Variants in MYO15B observed in about 807,000 individuals in gnomAD.
MYO15B encodes the protein myosin XVB, also known as myosin XVB pseudogene.
MYO15B carries 207 observed loss-of-function variants against 119.3 expected under a neutral mutation model. The ratio of observed to expected loss-of-function variants is 1.73; its 90% confidence interval spans 1.55 to 1.95. MYO15B has a LOEUF of 1.95. Ranked by LOEUF, MYO15B falls within the 30% of genes most tolerant of loss-of-function variation. MYO15B has a pLI of 0.00. For synonymous variants in MYO15B, 966 were observed against 498.9 expected (o/e 1.94, Z -12.48); for missense variants, 2,264 against 1,203.1 (o/e 1.88, Z -13.04).
intron 43 of MYO15B, chr17:75,618,937 G>A (rs1178081706): frequency 1.7e-6 from 1 of 592,814 alleles, no homozygotes; most frequent in Non-Finnish European, 3.0e-6. Context: ...TTGCAGGGGA[G>A]GGGACAGGTG....
Position 75,594,599 on chromosome 17 carries a change from G to C in MYO15B, c.3105+11G>C, listed in dbSNP as rs1486697753. 4.4e-6 allele frequency: 3 copies of C among 678,490 alleles called. No homozygotes were observed. The highest frequency in any genetic ancestry group is 8.1e-6 in the Non-Finnish European group (3 of 371,956). The allele number at this position is 678,490 out of a possible 1,614,324, so 42.0% of individuals were successfully genotyped here. A position where few individuals can be genotyped will look rare whatever the true frequency, so the allele number is the denominator to read the frequency against. ...ACCAGGAGGGTCACGGTGAGCCCGAGGGTCCTGGGGAGAGGGGCCTGGCCT... is the reference window on the plus strand; with the variant it reads ...ACCAGGAGGGTCACGGTGAGCCCGACGGTCCTGGGGAGAGGGGCCTGGCCT... On this transcript the variant is annotated intron_variant, in intron 10 of 63. Transcript: ENST00000645453.
At chr17:75,604,588 G>A (rs2057503392) in intron 19 of MYO15B, among the ~76,000 whole-genome samples, 1 of 142,016 alleles carries the variant, frequency 7.0e-6, no homozygotes, top group Admixed American at 7.4e-5. Flanking sequence ...GACCTACTGT[G>A]TTGGGTGGCG....
At chr17:75,616,493 C>A (rs941978351) in intron 38 of MYO15B, 31 bp from the exon 39 acceptor site, 7 of 689,916 alleles carry the variant, frequency 1.0e-5, no homozygotes, top group Admixed American at 2.0e-5. Context: ...GCTCTGCACG[C>A]GGTTAACAGT....
At chr17:75,622,150 T>C (rs568337573) in intron 53 of MYO15B, 70 bp downstream of exon 53, 20 of 692,392 alleles carry the variant, frequency 2.9e-5, no homozygotes, top group South Asian at 2.8e-4. Context: ...GAGATCCCCT[T>C]CTCTTGGTCA....
chr17:75,588,986 A>G (rs115614651), exon 1 of MYO15B: 35,454 of 397,962 alleles, frequency 0.089, 1,743 homozygotes, highest in Middle Eastern at 0.15. Context: ...GCGGTGGGGC[A>G]GGTGCCAGCG....
rs111264376 is a variant in MYO15B at position 75,605,030 on chromosome 17, G to A, written c.4017-474G>A. 1.0e-3 allele frequency among the ~76,000 whole-genome samples: 156 copies of A among 152,158 alleles called. 2 individuals are homozygous for A. Among genetic ancestry groups the A allele is most frequent in the African/African-American group, 3.5e-3 (145 of 41,514 alleles). ...TGCATGCCAGTAATCCCAGCTACTCGGGAGGCTGAGGCAAGAGGATCACTT... is the reference window on the plus strand; with the variant it reads ...TGCATGCCAGTAATCCCAGCTACTCAGGAGGCTGAGGCAAGAGGATCACTT... On this transcript the variant is annotated intron_variant, in intron 19 of 63. Transcript: ENST00000645453.
chr17:75,596,458 A>G lies in MYO15B; in HGVS notation c.3298-2A>G. On this transcript the variant is annotated splice_acceptor_variant, in intron 12 of 63. Transcript: ENST00000645453. LOFTEE classifies it high-confidence loss of function. Reference sequence around the variant, plus strand: ...GCCCACCTCACTGCCACATGCCCCCAGGCCCTGCGGGTGAATGGCCTGGAG... The same window carrying G: ...GCCCACCTCACTGCCACATGCCCCCGGGCCCTGCGGGTGAATGGCCTGGAG... 1 of 702,982 alleles carries G rather than the reference A, an allele frequency of 1.4e-6. No homozygotes were observed. 43.5% of individuals were successfully genotyped at this position (702,982 alleles called of 1,614,324 possible).
At chr17:75,602,269 T>C in intron 15 of MYO15B, 1 of 598,356 alleles carries the variant, frequency 1.7e-6, no homozygotes, top group Non-Finnish European at 3.0e-6. Flanking sequence ...GTCAACCTAT[T>C]GACTAGCATA....
intron 21 of MYO15B, among the ~76,000 whole-genome samples, chr17:75,609,161 G>A (rs2147940546): frequency 1.3e-5 from 2 of 151,980 alleles, no homozygotes; most frequent in Middle Eastern, 7.0e-3. Flanking sequence ...ACGGGTATGA[G>A]CCATTGCACC....
chr17:75,611,468 CAAAAAAAA>C, intron 23 of MYO15B, 125 bp from the exon 24 acceptor site: 2 of 471,128 alleles, frequency 4.2e-6, no homozygotes, highest in Non-Finnish European at 7.4e-6. Context: ...GACCCTGCCT[CAAAAAAAA>C]AAAAAAAAAA....
In MYO15B at chr17:75,592,092, G is replaced by T; in HGVS notation, c.2651+12G>T. 1 of 702,722 alleles carries T rather than the reference G, an allele frequency of 1.4e-6. No individual in the cohort carries two copies. Among genetic ancestry groups the T allele is most frequent in the South Asian group, 1.5e-5 (1 of 67,600 alleles). 43.5% of individuals were successfully genotyped at this position (702,722 alleles called of 1,614,324 possible). ...CTCTACCTACAGCAGTGAGTGGCAG[G>T]GTTGCAGGGGGCACCTACAATCACT... On this transcript the variant is annotated intron_variant, in intron 6 of 63. Transcript: ENST00000645453.
In MYO15B at chr17:75,617,324, C is replaced by T. The variant is rs2058434610; in HGVS notation, c.6814+20C>T. ...GTCGTTGTAAGGAACCACATTTCTC[C>T]TGCGCCGTGGGCTTCACTGGGGCAG... is the stretch of plus-strand genomic sequence containing the variant. On this transcript the variant is annotated intron_variant, in intron 41 of 63. Coordinates refer to ENST00000645453, the Ensembl canonical transcript of MYO15B. The T allele has an allele frequency of 6.5e-6, 4 of 613,220 alleles. No homozygotes were observed. The highest frequency in any genetic ancestry group is 1.2e-5 in the Non-Finnish European group (4 of 340,688). 38.0% of individuals were successfully genotyped at this position (613,220 alleles called of 1,614,324 possible).
intron 9 of MYO15B, among the ~76,000 whole-genome samples, chr17:75,593,630 AC>A (rs1230142312): frequency 6.6e-6 from 1 of 151,214 alleles, no homozygotes; most frequent in Non-Finnish European, 1.5e-5. Flanking sequence ...AAAAAAAAAA[AC>A]AAAACAGACT....
chr17:75,606,923 G>C (rs767148029), intron 21 of MYO15B: 1 of 397,976 alleles, frequency 2.5e-6, no homozygotes, highest in East Asian at 3.6e-5. Flanking sequence ...TCTCTTTTTC[G>C]CCCTCACAGC....
At chr17:75,625,067 CAACT>C in intron 59 of MYO15B, 52 bp from the exon 60 acceptor site, 2 of 661,938 alleles carry the variant, frequency 3.0e-6, no homozygotes, top group Non-Finnish European at 5.5e-6. Flanking sequence ...CTAGAGCCAC[CAACT>C]GATGGGGGGC....
At chr17:75,598,527 C>CAAAAAA (rs34267285) in intron 14 of MYO15B, among the ~76,000 whole-genome samples, 17 of 20,134 alleles carry the variant, frequency 8.4e-4, no homozygotes, top group African/African-American at 1.4e-3. Flanking sequence ...GACTCCATCT[C>CAAAAAA]AAAAAAAAAA....
intron 53 of MYO15B, among the ~76,000 whole-genome samples, chr17:75,623,501 G>C (rs568563386): frequency 6.6e-6 from 1 of 152,274 alleles, no homozygotes; most frequent in East Asian, 1.9e-4. Context: ...GTGGTGGCAC[G>C]CGCCTATTAA....
At position 75,625,593 on chromosome 17, in the gene MYO15B, C is replaced by CCT; in HGVS notation, c.8872_8873dup (p.Met2959Ter). The CCT allele has an allele frequency of 1.4e-6, 1 of 703,066 alleles. No homozygotes were observed. The highest frequency in any genetic ancestry group is 2.6e-6 in the Non-Finnish European group (1 of 385,020). 43.6% of individuals were successfully genotyped at this position (703,066 alleles called of 1,614,324 possible). A position where few individuals can be genotyped will look rare whatever the true frequency, so the allele number is the denominator to read the frequency against. ...AGGTGAACACGGCCTCCATCAAGAA[C>CCT]CTGATGGGTCAGGAGCTGAGACGGC... On this transcript the variant is annotated frameshift_variant, in exon 61 of 64. Coordinates refer to ENST00000645453, the Ensembl canonical transcript of MYO15B. LOFTEE classifies it high-confidence loss of function.
chr17:75,610,267 G>A lies in MYO15B; in HGVS notation c.4386+8G>A, dbSNP rs1476589387. On this transcript the variant is annotated splice_region_variant and intron_variant, in intron 22 of 63. Coordinates refer to ENST00000645453, the Ensembl canonical transcript of MYO15B. Reference sequence around the variant, plus strand: ...AGGCGGCAGAGACTGCAGGTGCAGGGGCTTGGGTGGGGCGGTTCAGGGTAG... The same window carrying A: ...AGGCGGCAGAGACTGCAGGTGCAGGAGCTTGGGTGGGGCGGTTCAGGGTAG... 3 of 694,902 alleles carry A rather than the reference G, an allele frequency of 4.3e-6. No homozygotes were observed. The highest frequency in any genetic ancestry group is 7.9e-6 in the Non-Finnish European group (3 of 381,058). 43.0% of individuals were successfully genotyped at this position (694,902 alleles called of 1,614,324 possible).
Sources: gnomAD v4.1 joint callset for allele counts (sites outside exome capture counted in the v4.1 genomes callset) on GRCh38, gnomAD v4.1.1 for gene constraint, MANE v1.5 for transcripts, NCBI Gene and HGNC (gene_info 2026-07-23, HGNC 2026-07-21) for gene names.